SMOC2: variants seen among roughly 807,000 people sequenced by gnomAD.
The protein encoded by SMOC2 is SPARC related modular calcium binding 2, also known as SPARC-related modular calcium-binding protein 2.
A neutral mutation model predicts 61.4 loss-of-function variants in SMOC2; 39 were observed. The ratio of observed to expected loss-of-function variants is 0.64; its 90% CI spans 0.49 to 0.83. The LOEUF (loss-of-function observed/expected upper bound fraction) is 0.83, where lower values mean the gene tolerates loss of function less well. SMOC2 is among the 40% of genes least tolerant of loss of function. SMOC2 has a pLI of 0.00. For synonymous variants in SMOC2, 247 were observed against 239.9 expected (o/e 1.03, Z -0.27); for missense variants, 556 against 592.9 (o/e 0.94, Z 0.65).
At chr6:168,509,807 C>T in intron 1 of SMOC2, 108 bp from the exon 2 acceptor site, 2 of 1,136,480 alleles carry the variant, frequency 1.8e-6, no homozygotes, top group African/African-American at 1.5e-5. Context: ...TGTTATCCCT[C>T]AAGCTTTCAT....
At chr6:168,658,091 G>A (rs1254167092) in intron 11 of SMOC2, among the ~76,000 whole-genome samples, 1 of 152,180 alleles carries the variant, frequency 6.6e-6, no homozygotes, top group Non-Finnish European at 1.5e-5. Context: ...GAGGCCTGGG[G>A]GACTGATGGG....
chr6:168,468,455 C>T (rs955153204), intron 1 of SMOC2, among the ~76,000 whole-genome samples: 2 of 152,248 alleles, frequency 1.3e-5, no homozygotes, highest in Admixed American at 6.5e-5. Context: ...ACCTTCCCCC[C>T]GTCCCCCACC....
intron 7 of SMOC2, among the ~76,000 whole-genome samples, chr6:168,562,781 C>T (rs924752980): frequency 9.9e-5 from 15 of 152,168 alleles, no homozygotes; most frequent in African/African-American, 3.1e-4. Flanking sequence ...GATGGTCCTG[C>T]CCCGGGAGAG....
At chr6:168,519,111 G>A (rs909111908) in intron 2 of SMOC2, among the ~76,000 whole-genome samples, 3 of 144,060 alleles carry the variant, frequency 2.1e-5, no homozygotes, top group East Asian at 2.3e-4. Flanking sequence ...GTGTGAACGC[G>A]TGTGTATGCA....
chr6:168,456,530 C>T (rs771356286), intron 1 of SMOC2, among the ~76,000 whole-genome samples: 39 of 152,330 alleles, frequency 2.6e-4, no homozygotes, highest in Non-Finnish European at 4.6e-4. Context: ...GGAGACTCCC[C>T]GGTGCCACTT....
intron 4 of SMOC2, among the ~76,000 whole-genome samples, chr6:168,529,335 G>A (rs1029735076): frequency 3.3e-5 from 5 of 152,196 alleles, no homozygotes; most frequent in Non-Finnish European, 7.3e-5. Flanking sequence ...GAAGCCAGGC[G>A]TGCGAGATGA....
At chr6:168,651,179 C>G (rs961997610) in intron 10 of SMOC2, among the ~76,000 whole-genome samples, 1 of 152,200 alleles carries the variant, frequency 6.6e-6, no homozygotes, top group Non-Finnish European at 1.5e-5. Context: ...GTTCTCAAAA[C>G]GTGATTAGGT....
intron 4 of SMOC2, among the ~76,000 whole-genome samples, chr6:168,538,950 A>C (rs1294376068): frequency 6.6e-6 from 1 of 152,118 alleles, no homozygotes; most frequent in East Asian, 1.9e-4. Context: ...CCCCAGGGTC[A>C]GGTTTTCTGT....
intron 7 of SMOC2, among the ~76,000 whole-genome samples, chr6:168,560,144 T>C (rs1483550306): frequency 1.3e-5 from 2 of 152,254 alleles, no homozygotes; most frequent in Non-Finnish European, 2.9e-5. Context: ...TGTTACTTTA[T>C]ATTTATCATC....
intron 1 of SMOC2, among the ~76,000 whole-genome samples, chr6:168,445,767 A>G (rs1407557843): frequency 6.6e-6 from 1 of 152,232 alleles, no homozygotes; most frequent in African/African-American, 2.4e-5. Flanking sequence ...TTTCCAACTT[A>G]GAAGCCCATT....
intron 7 of SMOC2, among the ~76,000 whole-genome samples, chr6:168,556,724 T>C (rs1003120618): frequency 5.4e-5 from 8 of 148,192 alleles, no homozygotes; most frequent in Non-Finnish European, 1.0e-4. Flanking sequence ...GTATATCTCC[T>C]AATGCTATCC....
At position 168,482,650 on chromosome 6, in the gene SMOC2, C is replaced by A. The variant is rs541225741; in HGVS notation, c.85-27265C>A. 4.6e-4 allele frequency among the ~76,000 whole-genome samples: 70 copies of A among 152,042 alleles called. 1 individual carries two copies. Among genetic ancestry groups the A allele is most frequent in the Admixed American group, 2.0e-4 (3 of 15,258 alleles). On this transcript the variant is annotated intron_variant, in intron 1 of 12. Coordinates refer to ENST00000356284, the MANE Select transcript of SMOC2 (RefSeq NM_001166412.2). The stretch of plus-strand genomic sequence containing the variant: ...CCCTTATGAACATCGATGCCAAAAT[C>A]TTCAACAAAATGTAGCAAACTGAAT...
Position 168,661,629 on chromosome 6 carries a change from T to G in SMOC2, c.1286-2445T>G, listed in dbSNP as rs189425514. On this transcript the variant is annotated intron_variant, in intron 11 of 12. Transcript: ENST00000356284. ...CTCCCCCCAAAAAAAAGAATATTAG[T>G]TTTTTTTTATAACTTTAATTTACAG... is the stretch of plus-strand genomic sequence containing the variant. Among the ~76,000 whole-genome samples the G allele has an allele frequency of 3.3e-3, 496 of 151,734 alleles. 2 individuals are homozygous for G. The highest frequency in any genetic ancestry group is 4.5e-3 in the Non-Finnish European group (308 of 67,914).
chr6:168,441,204 G>GCCTGCAGGGGAGCTGCT lies in SMOC2; in HGVS notation c.-164_-148dup. On this transcript the variant is annotated 5_prime_UTR_variant, in exon 1 of 13. Coordinates refer to ENST00000356284, the MANE Select transcript of SMOC2 (RefSeq NM_001166412.2). ...CAAAGAACGCGGAGGACCTCTGGGT[G>GCCTGCAGGGGAGCTGCT]CCTGCAGGGGAGCTGCTCCAGCCGG... 9.8e-7 allele frequency: 1 copy of GCCTGCAGGGGAGCTGCT among 1,018,002 alleles called. No individual in the cohort carries two copies. Among genetic ancestry groups the GCCTGCAGGGGAGCTGCT allele is most frequent in the Non-Finnish European group, 1.3e-6 (1 of 767,120 alleles). 63.1% of individuals were successfully genotyped at this position (1,018,002 alleles called of 1,614,324 possible). A position where few individuals can be genotyped will look rare whatever the true frequency, so the allele number is the denominator to read the frequency against.
At chr6:168,559,878 C>G (rs139943910) in intron 7 of SMOC2, among the ~76,000 whole-genome samples, 1 of 152,306 alleles carries the variant, frequency 6.6e-6, no homozygotes, top group African/African-American at 2.4e-5. Context: ...TGTAGTCACC[C>G]TTATCAAGTG....
At chr6:168,455,474 C>T (rs1040944623) in intron 1 of SMOC2, among the ~76,000 whole-genome samples, 31 of 152,140 alleles carry the variant, frequency 2.0e-4, no homozygotes, top group African/African-American at 6.8e-4. Context: ...CCTCAAGTCC[C>T]GGCTTTGAGA....
chr6:168,638,188 C>T (rs1397708729), intron 9 of SMOC2, among the ~76,000 whole-genome samples: 2 of 152,156 alleles, frequency 1.3e-5, no homozygotes, highest in Non-Finnish European at 2.9e-5. Flanking sequence ...GATTGGGCCA[C>T]AGACTTTAGT....
intron 7 of SMOC2, among the ~76,000 whole-genome samples, chr6:168,558,423 C>A (rs1338642685): frequency 6.6e-6 from 1 of 152,190 alleles, no homozygotes; most frequent in African/African-American, 2.4e-5. Flanking sequence ...CCCCTGGAAC[C>A]TTTCTTCCCA....
At chr6:168,497,668 G>A (rs1281968580) in intron 1 of SMOC2, among the ~76,000 whole-genome samples, 1 of 152,126 alleles carries the variant, frequency 6.6e-6, no homozygotes, top group Non-Finnish European at 1.5e-5. Context: ...AGGAGCCCGT[G>A]GTCTTGTCAG....
Sources: gnomAD v4.1 joint callset for allele counts (sites outside exome capture counted in the v4.1 genomes callset) on GRCh38, gnomAD v4.1.1 for gene constraint, MANE v1.5 for transcripts, NCBI Gene and HGNC (gene_info 2026-07-23, HGNC 2026-07-21) for gene names.